MAP3K5: variants seen among roughly 807,000 people sequenced by gnomAD.
MAP3K5 encodes ASK-1.
Under a neutral mutation model 158.7 loss-of-function variants are expected in MAP3K5, and 56 were observed. That is an observed-to-expected ratio of 0.35 (90% CI 0.28 to 0.44). MAP3K5 has a LOEUF of 0.44. Ranked by LOEUF, MAP3K5 falls within the 20% of genes least tolerant of loss-of-function variation. The probability of loss-of-function intolerance (pLI) is 1.00; values close to 1 mark genes in which losing one functional copy is unlikely to be tolerated. For synonymous variants in MAP3K5, 579 were observed against 601.7 expected, an observed-to-expected ratio of 0.96 and a Z score of 0.55; for missense variants, 1,294 against 1,674.8, an observed-to-expected ratio of 0.77 and a Z score of 3.97.
chr6:136,669,588 T>C (rs1299468314), intron 7 of MAP3K5, among the ~76,000 whole-genome samples, 193 bp from the exon 8 acceptor site: 1 of 151,960 alleles, frequency 6.6e-6, no homozygotes, highest in East Asian at 1.9e-4. Flanking sequence ...TCTGTTGCTT[T>C]CCCCCGCTTA....
At chr6:136,652,522 A>G (rs1026501021) in intron 10 of MAP3K5, among the ~76,000 whole-genome samples, 1 of 152,190 alleles carries the variant, frequency 6.6e-6, no homozygotes, top group East Asian at 1.9e-4. Flanking sequence ...CTTTGCAGAA[A>G]TGGTGCTCTC....
At chr6:136,701,697 A>G (rs1780861705) in intron 3 of MAP3K5, among the ~76,000 whole-genome samples, 1 of 152,244 alleles carries the variant, frequency 6.6e-6, no homozygotes, top group South Asian at 2.1e-4. Flanking sequence ...ATTGTTCTAA[A>G]AGAACAACAG....
At chr6:136,590,064 C>T (rs1583231014) in intron 23 of MAP3K5, among the ~76,000 whole-genome samples, 1 of 152,272 alleles carries the variant, frequency 6.6e-6, no homozygotes, top group Middle Eastern at 3.4e-3. Context: ...TCTCAACAGA[C>T]TGGGTTAGTT....
At chr6:136,692,586 C>G (rs1780433607) in intron 7 of MAP3K5, among the ~76,000 whole-genome samples, 1 of 152,140 alleles carries the variant, frequency 6.6e-6, no homozygotes, top group Non-Finnish European at 1.5e-5. Context: ...CAACTTTTTT[C>G]CAACATTTAT....
chr6:136,652,243 G>A (rs1052862204), intron 10 of MAP3K5, among the ~76,000 whole-genome samples: 1 of 152,096 alleles, frequency 6.6e-6, no homozygotes, highest in Non-Finnish European at 1.5e-5. Context: ...TTTACTTAAG[G>A]TACAGGGAAC....
chr6:136,721,391 A>G lies in MAP3K5; in HGVS notation c.449-802T>C, dbSNP rs948143534. The stretch of plus-strand genomic sequence containing the variant: ...AGTATAATCAAGAACAAAAGAGAGA[A>G]AAAAGGTATAGAAAATATAACAAAG... On this transcript the variant is annotated intron_variant, in intron 1 of 29. Transcript: ENST00000359015. Among the ~76,000 whole-genome samples the G allele has an allele frequency of 2.6e-5, 4 of 152,294 alleles. 1 individual carries two copies. Among genetic ancestry groups the G allele is most frequent in the Non-Finnish European group, 4.4e-5 (3 of 68,020 alleles).
chr6:136,772,053 C>T (rs1784221622), intron 1 of MAP3K5, among the ~76,000 whole-genome samples: 3 of 147,808 alleles, frequency 2.0e-5, no homozygotes, highest in African/African-American at 5.1e-5. Context: ...GGACTACAGG[C>T]GTGTGCCACC....
intron 1 of MAP3K5, among the ~76,000 whole-genome samples, chr6:136,723,314 T>C (rs1172303170): frequency 2.0e-5 from 3 of 151,690 alleles, no homozygotes; most frequent in Admixed American, 2.0e-4. Flanking sequence ...CCAAACTATA[T>C]CAAGTAAAAA....
chr6:136,716,817 T>C (rs1562640528), intron 2 of MAP3K5, among the ~76,000 whole-genome samples: 1 of 152,162 alleles, frequency 6.6e-6, no homozygotes, highest in African/African-American at 2.4e-5. Flanking sequence ...TCATGAGACT[T>C]AAAGAAAATT....
At chr6:136,621,973 C>A (rs1332542325) in intron 15 of MAP3K5, among the ~76,000 whole-genome samples, 1 of 151,736 alleles carries the variant, frequency 6.6e-6, no homozygotes, top group Non-Finnish European at 1.5e-5. Flanking sequence ...GTAGTCCCAG[C>A]TACTCAGGAG....
At chr6:136,773,033 G>A (rs976517507) in intron 1 of MAP3K5, among the ~76,000 whole-genome samples, 3 of 152,068 alleles carry the variant, frequency 2.0e-5, no homozygotes, top group South Asian at 2.1e-4. Flanking sequence ...AGAGATTCTC[G>A]GAAGGAAAAA....
chr6:136,645,680 G>A (rs1174375377), intron 11 of MAP3K5, among the ~76,000 whole-genome samples: 1 of 152,126 alleles, frequency 6.6e-6, no homozygotes, highest in African/African-American at 2.4e-5. Context: ...TTAAAAGATC[G>A]GGATTTCAAT....
At chr6:136,691,150 T>A (rs180694993) in intron 7 of MAP3K5, among the ~76,000 whole-genome samples, 9 of 152,328 alleles carry the variant, frequency 5.9e-5, no homozygotes, top group Admixed American at 5.9e-4. Flanking sequence ...ATAATTTTCT[T>A]TGATATTTAT....
intron 2 of MAP3K5, among the ~76,000 whole-genome samples, chr6:136,712,348 A>G (rs1781344135): frequency 6.6e-6 from 1 of 151,438 alleles, no homozygotes; most frequent in South Asian, 2.1e-4. Flanking sequence ...ATGACCAGCT[A>G]ATTTTTGTAG....
At chr6:136,576,723 T>C (rs1223319296) in intron 25 of MAP3K5, among the ~76,000 whole-genome samples, 2 of 152,182 alleles carry the variant, frequency 1.3e-5, no homozygotes, top group Non-Finnish European at 2.9e-5. Context: ...GTCTTCTCAG[T>C]AGACAGATCT....
chr6:136,621,077 C>T (rs191785232), intron 15 of MAP3K5, among the ~76,000 whole-genome samples: 11 of 152,080 alleles, frequency 7.2e-5, no homozygotes, highest in African/African-American at 2.4e-4. Context: ...ATATATTATA[C>T]ATTTTGTAGT....
intron 8 of MAP3K5, 54 bp from the exon 9 acceptor site, chr6:136,659,432 C>A (rs937237611): frequency 2.9e-5 from 45 of 1,525,674 alleles, no homozygotes; most frequent in Non-Finnish European, 3.9e-5. Context: ...ACAGGTAGAA[C>A]CAGGTTTTCA....
intron 14 of MAP3K5, among the ~76,000 whole-genome samples, chr6:136,629,509 C>CCT (rs1554288522): frequency 1.3e-5 from 2 of 151,680 alleles, no homozygotes; most frequent in African/African-American, 2.4e-5. Flanking sequence ...GGCTGGAGTG[C>CCT]AGTGGCACAA....
At chr6:136,619,609 AT>A (rs1255726869) in intron 15 of MAP3K5, among the ~76,000 whole-genome samples, 1 of 152,098 alleles carries the variant, frequency 6.6e-6, no homozygotes, top group Non-Finnish European at 1.5e-5. Flanking sequence ...TCACTACATG[AT>A]TTGATTTTAA....
Sources: gnomAD v4.1 joint callset for allele counts (sites outside exome capture counted in the v4.1 genomes callset) on GRCh38, gnomAD v4.1.1 for gene constraint, MANE v1.5 for transcripts, NCBI Gene and HGNC (gene_info 2026-07-23, HGNC 2026-07-21) for gene names.